The following HAUS7 variants were observed in gnomAD, a reference collection of about 807,000 sequenced individuals.
HAUS7 encodes the protein HAUS augmin-like complex subunit 7.
In HAUS7, 3 loss-of-function variants were observed where a neutral mutation model predicts 28.4. The observed-to-expected ratio is 0.11, with a 90% CI of 0.05 to 0.27. The LOEUF (loss-of-function observed/expected upper bound fraction) is 0.27. Among genes scored for constraint, HAUS7 ranks in the 10% least tolerant of loss-of-function variants. The pLI is 1.00. For synonymous variants in HAUS7, 165 were observed against 132.1 expected (o/e 1.25, Z -1.71); for missense variants, 284 against 297.3 (o/e 0.96, Z 0.33).
chrX:153,457,275 G>C lies in HAUS7; in HGVS notation c.355-47C>G, dbSNP rs185205846. ...CATTCACTGGCTCCATCTAAGCCAG[G>C]CCAAGGCCAGCTGTCCCCAGTGCCC... On this transcript the variant is annotated intron_variant, in intron 4 of 9. Coordinates refer to ENST00000370211, the MANE Select transcript of HAUS7 (RefSeq NM_001385482.1). 914 of 864,362 alleles carry C rather than the reference G, an allele frequency of 1.1e-3. 7 individuals are homozygous for C. Among genetic ancestry groups the C allele is most frequent in the Non-Finnish European group, 2.2e-4 (128 of 585,495 alleles). The allele number at this position is 864,362 out of a possible 1,213,427, so 71.2% of individuals were successfully genotyped here. A position where few individuals can be genotyped will look rare whatever the true frequency, so the allele number is the denominator to read the frequency against.
upstream of HAUS7, among the ~76,000 whole-genome samples, chrX:153,471,420 A>G (rs2089523070): frequency 1.8e-5 from 2 of 111,949 alleles, no homozygotes; most frequent in Admixed American, 1.9e-4. Context: ...GCTCCTTCCT[A>G]TCCTGTCTAC....
At chrX:153,479,087 G>A (rs1556986817) in intron 1 of HAUS7, among the ~76,000 whole-genome samples, 2 of 109,083 alleles carry the variant, frequency 1.8e-5, no homozygotes, top group East Asian at 5.8e-4. Context: ...CGGGGGAGGC[G>A]TTTGCTCGAC....
In HAUS7 at chrX:153,450,197, C is replaced by T. The variant is rs140876778; in HGVS notation, c.1046-2288G>A. Among the ~76,000 whole-genome samples the T allele has an allele frequency of 6.2e-3, 698 of 111,801 alleles. 3 individuals are homozygous for T. Among genetic ancestry groups the T allele is most frequent in the Middle Eastern group, 0.014 (3 of 217 alleles). On this transcript the variant is annotated intron_variant, in intron 9 of 9. Transcript: ENST00000370211. Reference sequence around the variant, plus strand: ...CAGGGATCAGCTCTTGCCCCATGGACCCTCAGAGGCTGCAAAAAGGTAGGT... The same window carrying T: ...CAGGGATCAGCTCTTGCCCCATGGATCCTCAGAGGCTGCAAAAAGGTAGGT...
intron 1 of HAUS7, among the ~76,000 whole-genome samples, chrX:153,484,768 G>A (rs1556988116): frequency 2.6e-5 from 3 of 113,218 alleles, no homozygotes; most frequent in Non-Finnish European, 5.6e-5. Context: ...CTGCCCGGCC[G>A]CTATTCCACT....
At chrX:153,487,483 C>A (rs5987261) in intron 1 of HAUS7, among the ~76,000 whole-genome samples, 19,505 of 111,538 alleles carry the variant, frequency 0.17, 1,696 homozygotes, top group Non-Finnish European at 0.25. Context: ...ACACCTCCCC[C>A]CCATTCCTGG....
intron 1 of HAUS7, among the ~76,000 whole-genome samples, chrX:153,489,973 G>GC (rs1257926381): frequency 8.9e-6 from 1 of 112,921 alleles, no homozygotes; most frequent in Non-Finnish European, 1.9e-5. Flanking sequence ...AAGCTGTCTG[G>GC]CCCTCAGGCC....
At chrX:153,494,785 C>T (rs1359359846) in intron 1 of HAUS7, among the ~76,000 whole-genome samples, 1 of 103,082 alleles carries the variant, frequency 9.7e-6, no homozygotes, top group East Asian at 3.1e-4. Flanking sequence ...CTCAGCTAGT[C>T]CAGCCGTCTA....
chrX:153,473,588 CGT>C (rs1569531426), upstream of HAUS7, among the ~76,000 whole-genome samples: 1 of 112,536 alleles, frequency 8.9e-6, no homozygotes. Flanking sequence ...CGTGTGTGTG[CGT>C]GTGTGTGTTT....
intron 1 of HAUS7, among the ~76,000 whole-genome samples, chrX:153,486,312 G>T (rs1056929906): frequency 8.9e-6 from 1 of 112,886 alleles, no homozygotes; most frequent in African/African-American, 3.2e-5. Flanking sequence ...CACCCATCTT[G>T]GTTGCCATGA....
chrX:153,459,682 G>A (rs2089362510), intron 4 of HAUS7, among the ~76,000 whole-genome samples: 2 of 111,858 alleles, frequency 1.8e-5, no homozygotes, highest in African/African-American at 6.5e-5. Context: ...CATTTTCAGG[G>A]CACAAGATAA....
intron 1 of HAUS7, chrX:153,485,663 T>C: frequency 2.2e-6 from 1 of 452,931 alleles, no homozygotes; most frequent in Non-Finnish European, 2.8e-6. Flanking sequence ...CATCTCGGAG[T>C]GAATCCCCAC....
chrX:153,470,095 C>G (rs1024323088), intron 1 of HAUS7, among the ~76,000 whole-genome samples: 3 of 112,615 alleles, frequency 2.7e-5, no homozygotes, highest in Non-Finnish European at 5.6e-5. Flanking sequence ...CAGAGTGGCA[C>G]GAGGCTCTGC....
intron 1 of HAUS7, among the ~76,000 whole-genome samples, chrX:153,469,776 T>C (rs1174261699): frequency 9.0e-6 from 1 of 111,708 alleles, no homozygotes; most frequent in Admixed American, 9.4e-5. Flanking sequence ...TGGGCTCTTG[T>C]GGCAGCAGGA....
intron 1 of HAUS7, among the ~76,000 whole-genome samples, chrX:153,478,674 C>T (rs932121369): frequency 1.7e-4 from 19 of 112,643 alleles, no homozygotes; most frequent in Non-Finnish European, 3.8e-5. Flanking sequence ...CAGCCCAGCC[C>T]GAGGCACACC....
intron 1 of HAUS7, chrX:153,483,594 C>T: frequency 2.3e-6 from 1 of 430,789 alleles, no homozygotes; most frequent in African/African-American, 2.7e-5. Context: ...GCAGGGGGCT[C>T]CAGGGGAGGA....
At chrX:153,491,823 C>T (rs1556989662) in intron 1 of HAUS7, among the ~76,000 whole-genome samples, 1 of 113,231 alleles carries the variant, frequency 8.8e-6, no homozygotes, top group Non-Finnish European at 1.9e-5. Flanking sequence ...GAGAGCTGAG[C>T]TCTCGGCTCC....
chrX:153,482,671 G>A (rs1319391596), intron 1 of HAUS7: 11 of 751,315 alleles, frequency 1.5e-5, no homozygotes, highest in African/African-American at 1.4e-4. Context: ...GAGCTACTGC[G>A]AGCAGCTCTG....
upstream of HAUS7, among the ~76,000 whole-genome samples, chrX:153,472,120 A>AC (rs1556985477): frequency 1.7e-4 from 19 of 110,040 alleles, no homozygotes; most frequent in Non-Finnish European, 1.9e-5. Context: ...GCCTCCCCCA[A>AC]CCCTCCCCAT....
intron 6 of HAUS7, 63 bp downstream of exon 6, chrX:153,456,430 A>C (rs934251671): frequency 3.4e-6 from 4 of 1,180,363 alleles, no homozygotes; most frequent in Non-Finnish European, 4.6e-6. Context: ...TAACAGAACC[A>C]AGCAGCCTGG....
Sources: allele counts gnomAD v4.1 joint callset (sites outside exome capture counted in the v4.1 genomes callset), GRCh38; gene constraint gnomAD v4.1.1; transcripts MANE v1.5; gene names NCBI Gene and HGNC (gene_info 2026-07-23, HGNC 2026-07-21).